Variants in TTLL9 observed in about 807,000 individuals in gnomAD.
TTLL9 encodes the protein probable tubulin polyglutamylase TTLL9.
Under a neutral mutation model 65.6 loss-of-function variants are expected in TTLL9, and 47 were observed. The ratio of observed to expected loss-of-function variants is 0.72; its 90% CI spans 0.57 to 0.91. The LOEUF is 0.91. TTLL9 is among the 40% of genes least tolerant of loss of function. The pLI is 0.00. For missense variants in TTLL9, 537 were observed against 568.8 expected, an observed-to-expected ratio of 0.94 and a Z score of 0.57; for synonymous variants, 179 against 204.8, an observed-to-expected ratio of 0.87 and a Z score of 1.07.
intron 3 of TTLL9, among the ~76,000 whole-genome samples, chr20:31,887,749 G>A (rs901281745): frequency 3.3e-5 from 5 of 152,210 alleles, no homozygotes; most frequent in Non-Finnish European, 4.4e-5. Flanking sequence ...AAGGAGGAGT[G>A]AGCAACGTAG....
chr20:31,880,241 T>C (rs1273361687), intron 2 of TTLL9, among the ~76,000 whole-genome samples: 1 of 152,116 alleles, frequency 6.6e-6, no homozygotes, highest in Non-Finnish European at 1.5e-5. Context: ...ATTTCCTGAC[T>C]TGGCGAAACC....
chr20:31,930,454 T>G (rs2063990059), intron 10 of TTLL9, among the ~76,000 whole-genome samples: 1 of 152,266 alleles, frequency 6.6e-6, no homozygotes, highest in Non-Finnish European at 1.5e-5. Flanking sequence ...CTAGGAACTT[T>G]GAGCTTTTTC....
chr20:31,912,603 ATGTGTGTGTGTGTGTGTG>A (rs61107814), intron 6 of TTLL9, among the ~76,000 whole-genome samples: 8 of 141,006 alleles, frequency 5.7e-5, no homozygotes, highest in Non-Finnish European at 9.3e-5. Flanking sequence ...GTGTATGTGT[ATGTGTGTGTGTGTGTGTG>A]TGTGTGTGTG....
chr20:31,890,195 TTCTTTC>T (rs2063286631), intron 3 of TTLL9, among the ~76,000 whole-genome samples: 1 of 142,816 alleles, frequency 7.0e-6, no homozygotes, highest in Non-Finnish European at 1.5e-5. Context: ...CTTTCTTTCT[TTCTTTC>T]TCTTTCTTTC....
At chr20:31,908,564 T>G (rs1279313634) in intron 4 of TTLL9, 27 bp from the exon 5 acceptor site, 1 of 1,572,272 alleles carries the variant, frequency 6.4e-7, no homozygotes, top group South Asian at 1.1e-5. Context: ...ACCATGACCT[T>G]TATCCCCGCC....
intron 4 of TTLL9, among the ~76,000 whole-genome samples, chr20:31,898,989 G>A (rs2063430109): frequency 6.6e-6 from 1 of 152,232 alleles, no homozygotes; most frequent in Non-Finnish European, 1.5e-5. Context: ...TGGCCTGTAA[G>A]CCTACCTTTC....
chr20:31,916,030 C>G (rs1271123806), intron 6 of TTLL9, among the ~76,000 whole-genome samples: 1 of 152,138 alleles, frequency 6.6e-6, no homozygotes, highest in African/African-American at 2.4e-5. Context: ...GGAGGATCCC[C>G]TTCCTAGCTG....
Position 31,943,038 on chromosome 20 carries a change from G to A in TTLL9, c.*17G>A. On this transcript the variant is annotated 3_prime_UTR_variant, in exon 15 of 15. Coordinates refer to ENST00000535842, the MANE Select transcript of TTLL9 (RefSeq NM_001008409.5). Reference sequence around the variant, plus strand: ...TCCAGTTGATCCCCAGCTGCCAGGAGGAAATCAGCCTTAGCAGGTGCCACC... The same window carrying A: ...TCCAGTTGATCCCCAGCTGCCAGGAAGAAATCAGCCTTAGCAGGTGCCACC... The A allele has an allele frequency of 6.2e-7, 1 of 1,613,386 alleles. No individual in the cohort carries two copies. The highest frequency in any genetic ancestry group is 8.5e-7 in the Non-Finnish European group (1 of 1,179,774).
chr20:31,902,360 G>C lies in TTLL9; in HGVS notation c.206+3795G>C, dbSNP rs143502542. ...GTTTTCAAGGCTCATCCATGTAGCA[G>C]TATGTATCAGTACTTCATTCCTTTT... On this transcript the variant is annotated intron_variant, in intron 4 of 14. Coordinates refer to ENST00000535842, the MANE Select transcript of TTLL9 (RefSeq NM_001008409.5). 5.7e-3 allele frequency among the ~76,000 whole-genome samples: 869 copies of C among 152,224 alleles called. 7 individuals are homozygous for C. Among genetic ancestry groups the C allele is most frequent in the African/African-American group, 0.02 (832 of 41,540 alleles).
rs1237631633 is a variant in TTLL9 at position 31,908,620 on chromosome 20, A to T, written c.236A>T (p.Asp79Val). Residue 79 changes from aspartate (D) to valine (V), a missense_variant, in exon 5 of 15, where the codon GAC (aspartate) becomes GTC (valine). Asp to Val is a radical substitution (Grantham distance 152). Transcript: ENST00000535842. ...DEGEWDFYWC[D>V]VSWLRENFDH... ...GGGGAGTGGGATTTCTACTGGTGTG[A>T]CGTCAGCTGGCTCCGGGAGAACTTC... The T allele has an allele frequency of 1.2e-6, 2 of 1,611,602 alleles. No homozygotes were observed. Among genetic ancestry groups the T allele is most frequent in the Non-Finnish European group, 1.7e-6 (2 of 1,178,492 alleles).
At chr20:31,889,972 C>CTCTCTCTTTCTT (rs1434636252) in intron 3 of TTLL9, among the ~76,000 whole-genome samples, 6 of 113,862 alleles carry the variant, frequency 5.3e-5, no homozygotes, top group East Asian at 2.7e-4. Flanking sequence ...CCACATCTCT[C>CTCTCTCTTTCTT]TCTTTCTTTC....
At chr20:31,913,181 T>C (rs953741855) in intron 6 of TTLL9, among the ~76,000 whole-genome samples, 3 of 152,088 alleles carry the variant, frequency 2.0e-5, no homozygotes, top group African/African-American at 4.8e-5. Context: ...TAATTGTAGA[T>C]GTTAATCACA....
At chr20:31,890,484 C>A (rs567389811) in intron 3 of TTLL9, among the ~76,000 whole-genome samples, 1 of 152,090 alleles carries the variant, frequency 6.6e-6, no homozygotes, top group Admixed American at 6.5e-5. Context: ...GTTATTTACC[C>A]ATCTTCCTGT....
intron 4 of TTLL9, among the ~76,000 whole-genome samples, chr20:31,904,688 T>C (rs916131677): frequency 2.0e-5 from 3 of 152,284 alleles, no homozygotes; most frequent in African/African-American, 7.2e-5. Context: ...AAATCTATTA[T>C]TATTACAATA....
chr20:31,926,102 G>A lies in TTLL9; in HGVS notation c.748+11G>A. On this transcript the variant is annotated intron_variant, in intron 10 of 14. Coordinates refer to ENST00000535842, the MANE Select transcript of TTLL9 (RefSeq NM_001008409.5). The stretch of plus-strand genomic sequence containing the variant: ...GGCACAGGAGACAGGGTATGAGATA[G>A]GTCTGGTCCCTTCCCTCCGGGAGCT... 1 of 1,578,668 alleles carries A rather than the reference G, an allele frequency of 6.3e-7. No individual in the cohort carries two copies. The highest frequency in any genetic ancestry group is 1.3e-5 in the African/African-American group (1 of 74,320).
intron 4 of TTLL9, chr20:31,901,550 C>A (rs1263521196): frequency 6.6e-6 from 1 of 152,240 alleles, no homozygotes; most frequent in African/African-American, 2.4e-5. Flanking sequence ...ACGAAATCCA[C>A]ACGGTGGTCT....
chr20:31,899,254 T>A (rs1258164934), intron 4 of TTLL9, among the ~76,000 whole-genome samples: 1 of 152,170 alleles, frequency 6.6e-6, no homozygotes, highest in Non-Finnish European at 1.5e-5. Flanking sequence ...ATCCCTTAGG[T>A]GAGGTCCTTG....
intron 8 of TTLL9, among the ~76,000 whole-genome samples, chr20:31,923,691 A>G (rs1045198400): frequency 2.6e-5 from 4 of 152,060 alleles, no homozygotes; most frequent in Admixed American, 1.3e-4. Flanking sequence ...TGCTTTTCTC[A>G]CTCGGGCTCT....
intron 10 of TTLL9, among the ~76,000 whole-genome samples, chr20:31,929,767 G>A (rs1316447973): frequency 6.6e-6 from 1 of 152,160 alleles, no homozygotes; most frequent in Non-Finnish European, 1.5e-5. Flanking sequence ...CCTTTGGATG[G>A]TGTCACAAAG....
Sources: allele counts gnomAD v4.1 joint callset (sites outside exome capture counted in the v4.1 genomes callset), GRCh38; gene constraint gnomAD v4.1.1; transcripts MANE v1.5; gene names NCBI Gene and HGNC (gene_info 2026-07-23, HGNC 2026-07-21).